The following N4BP2L2 variants were observed in gnomAD, a reference collection of about 807,000 sequenced individuals.
The protein encoded by N4BP2L2 is NEDD4-binding protein 2-like 2.
N4BP2L2 carries 50 observed loss-of-function variants against 56.2 expected under a neutral mutation model. The observed-to-expected ratio is 0.89, with a 90% CI of 0.71 to 1.13. N4BP2L2 has a LOEUF of 1.13. N4BP2L2 is among the 50% of genes most tolerant of loss of function. N4BP2L2 has a pLI of 0.00. For synonymous variants in N4BP2L2, 203 were observed against 223.6 expected (o/e 0.91, Z 0.82); for missense variants, 689 against 693.8 (o/e 0.99, Z 0.08).
At chr13:32,523,152 A>T (rs569767809) in intron 3 of N4BP2L2, 1 of 152,350 alleles carries the variant, frequency 6.6e-6, no homozygotes, top group South Asian at 2.1e-4. Context: ...GCACTTTGGG[A>T]GGCCAAAGCA....
exon 7 of N4BP2L2, chr13:32,444,096 C>T: frequency 6.5e-7 from 1 of 1,537,894 alleles, no homozygotes; most frequent in Non-Finnish European, 8.8e-7. Context: ...TTTTGCTGAG[C>T]CTATGCCCAG....
chr13:32,520,520 G>A (rs140073147), intron 5 of N4BP2L2, among the ~76,000 whole-genome samples: 1 of 151,388 alleles, frequency 6.6e-6, no homozygotes, highest in African/African-American at 2.5e-5. Context: ...TTAGCCGGGA[G>A]TGGTGGCCAG....
chr13:32,452,362 G>A (rs949046557), intron 6 of N4BP2L2, among the ~76,000 whole-genome samples: 12 of 151,818 alleles, frequency 7.9e-5, no homozygotes, highest in African/African-American at 2.9e-4. Flanking sequence ...CGCCCAGCCA[G>A]CACCTCCAGC....
chr13:32,448,937 T>C (rs1475902656), intron 6 of N4BP2L2, among the ~76,000 whole-genome samples: 1 of 152,056 alleles, frequency 6.6e-6, no homozygotes, highest in Non-Finnish European at 1.5e-5. Flanking sequence ...AGCAGTGGGA[T>C]CCCTCAGTTA....
At chr13:32,503,025 T>C (rs1041471421) in intron 6 of N4BP2L2, among the ~76,000 whole-genome samples, 2 of 151,500 alleles carry the variant, frequency 1.3e-5, no homozygotes, top group African/African-American at 2.4e-5. Flanking sequence ...ATGCAAAAAT[T>C]AGTCGGGCGT....
intron 6 of N4BP2L2, among the ~76,000 whole-genome samples, chr13:32,458,317 G>A (rs966202435): frequency 5.9e-5 from 9 of 152,220 alleles, no homozygotes; most frequent in East Asian, 5.8e-4. Context: ...CGCCCATCTC[G>A]GCCTCCCAAA....
At chr13:32,446,662 G>A in intron 6 of N4BP2L2, 1 of 383,710 alleles carries the variant, frequency 2.6e-6, no homozygotes, top group South Asian at 1.1e-4. Flanking sequence ...CAAAGAAAGA[G>A]AGCCCTAATC....
At chr13:32,532,744 C>CCA (rs972268376) in intron 2 of N4BP2L2, among the ~76,000 whole-genome samples, 3 of 151,834 alleles carry the variant, frequency 2.0e-5, no homozygotes, top group Non-Finnish European at 4.4e-5. Flanking sequence ...GCACATGCCA[C>CCA]CACGCCCAGC....
chr13:32,520,357 T>TA (rs55842806), intron 5 of N4BP2L2, among the ~76,000 whole-genome samples: 38,225 of 137,456 alleles, frequency 0.28, 6,078 homozygotes, highest in Non-Finnish European at 0.38. Context: ...CGATAAAAGT[T>TA]AAAAAAAAAA....
chr13:32,493,457 A>G (rs1398393215), intron 6 of N4BP2L2, among the ~76,000 whole-genome samples: 5 of 152,324 alleles, frequency 3.3e-5, no homozygotes, highest in Non-Finnish European at 7.4e-5. Context: ...AGTTTTTCTT[A>G]GGCTTAATCA....
At chr13:32,477,879 C>T (rs2139069454) in intron 6 of N4BP2L2, 1 of 1,289,280 alleles carries the variant, frequency 7.8e-7, no homozygotes, top group African/African-American at 1.5e-5. Context: ...AGAATTCCGT[C>T]AAATCACCTC....
exon 7 of N4BP2L2, chr13:32,442,904 T>G (rs2076575882): frequency 6.2e-7 from 1 of 1,612,658 alleles, no homozygotes; most frequent in Non-Finnish European, 8.5e-7. Flanking sequence ...AGTTTTTGTT[T>G]ATTCTCCTCT....
intron 6 of N4BP2L2, among the ~76,000 whole-genome samples, chr13:32,490,855 G>A (rs972856443): frequency 2.0e-5 from 3 of 152,048 alleles, no homozygotes; most frequent in Admixed American, 1.3e-4. Context: ...CTTGCCCACC[G>A]CTCACCTCCT....
chr13:32,439,129 C>T (rs945699339), intron 7 of N4BP2L2, among the ~76,000 whole-genome samples: 7 of 152,202 alleles, frequency 4.6e-5, no homozygotes, highest in South Asian at 2.1e-4. Context: ...TGTACAAACA[C>T]GGCTTATAAT....
In N4BP2L2 at chr13:32,522,328, G is replaced by C. The variant is rs1308228594; in HGVS notation, c.1385-58C>G. 8 of 1,136,328 alleles carry C rather than the reference G, an allele frequency of 7.0e-6. No individual in the cohort carries two copies. The South Asian group carries it at 7.9e-5, about 11-fold the overall frequency. 70.4% of individuals were successfully genotyped at this position (1,136,328 alleles called of 1,614,324 possible). On this transcript the variant is annotated intron_variant, in intron 3 of 5. Transcript: ENST00000267068. ...ACAAATTAGGTTAAAACACACAAAA[G>C]TTAAACATTTATTATTAAGAAATGT...
chr13:32,439,348 T>C (rs918584790), intron 7 of N4BP2L2, among the ~76,000 whole-genome samples: 1 of 152,224 alleles, frequency 6.6e-6, no homozygotes, highest in African/African-American at 2.4e-5. Context: ...TTTAAAAAGC[T>C]TTCTGAAGTT....
intron 6 of N4BP2L2, among the ~76,000 whole-genome samples, chr13:32,467,011 C>CT (rs1268586771): frequency 2.0e-5 from 3 of 152,136 alleles, no homozygotes; most frequent in East Asian, 3.8e-4. Flanking sequence ...TAAATAATCT[C>CT]TATCAATATC....
chr13:32,458,852 C>T (rs2079469777), intron 6 of N4BP2L2, among the ~76,000 whole-genome samples: 1 of 152,170 alleles, frequency 6.6e-6, no homozygotes, highest in Admixed American at 6.5e-5. Flanking sequence ...TTCTCATCAG[C>T]ACACGTAACA....
exon 8 of N4BP2L2, chr13:32,438,716 T>C (rs752157794): frequency 3.7e-6 from 6 of 1,609,650 alleles, no homozygotes; most frequent in East Asian, 4.5e-5. Context: ...GGGAACCACA[T>C]AGTCATCAGG....
Sources: gnomAD v4.1 joint callset for allele counts (sites outside exome capture counted in the v4.1 genomes callset) on GRCh38, gnomAD v4.1.1 for gene constraint, MANE v1.5 for transcripts, NCBI Gene and HGNC (gene_info 2026-07-23, HGNC 2026-07-21) for gene names.